Variants in SBNO1 observed in about 807,000 individuals in gnomAD.
SBNO1 encodes protein strawberry notch homolog 1.
Under a neutral mutation model 173.6 loss-of-function variants are expected in SBNO1, and 23 were observed. That is an observed-to-expected ratio of 0.13 (90% CI 0.10 to 0.19). The LOEUF is 0.19. SBNO1 is among the 10% of genes least tolerant of loss of function. The probability of loss-of-function intolerance (pLI) is 1.00; values close to 1 mark genes in which losing one functional copy is unlikely to be tolerated. For missense variants in SBNO1, 1,238 were observed against 1,671.2 expected (o/e 0.74, Z 4.52); for synonymous variants, 632 against 571.5 (o/e 1.11, Z -1.51).
chr12:123,302,994 AAAT>A (rs1217155585), intron 29 of SBNO1, 94 bp from the exon 30 acceptor site: 17 of 914,508 alleles, frequency 1.9e-5, no homozygotes, highest in Non-Finnish European at 3.0e-5. Flanking sequence ...AGCCAATTTA[AAAT>A]AATCTCTACA....
chr12:123,332,577 GT>G (rs111661687), intron 7 of SBNO1, among the ~76,000 whole-genome samples: 9 of 150,416 alleles, frequency 6.0e-5, no homozygotes, highest in Non-Finnish European at 1.3e-4. Context: ...TGGTTTTTTA[GT>G]TTTTTTCAGA....
In SBNO1 at chr12:123,336,511, CA is replaced by C; in HGVS notation, c.652-21del. On this transcript the variant is annotated intron_variant, in intron 5 of 31. Transcript: ENST00000602398. Reference sequence around the variant, plus strand: ...AACCTTCTGCAACACAGAAAGAGCACAATCAATCCCAAATCCAGGGACCAGA... The same window carrying C: ...AACCTTCTGCAACACAGAAAGAGCACATCAATCCCAAATCCAGGGACCAGA... 1 of 1,508,926 alleles carries C rather than the reference CA, an allele frequency of 6.6e-7. No individual in the cohort carries two copies. Among genetic ancestry groups the C allele is most frequent in the Non-Finnish European group, 9.1e-7 (1 of 1,096,506 alleles). The allele number at this position is 1,508,926 out of a possible 1,614,324, so 93.5% of individuals were successfully genotyped here. A position where few individuals can be genotyped will look rare whatever the true frequency, so the allele number is the denominator to read the frequency against.
chr12:123,362,744 G>A (rs997310862), intron 1 of SBNO1, among the ~76,000 whole-genome samples: 3 of 133,016 alleles, frequency 2.3e-5, no homozygotes, highest in African/African-American at 8.8e-5. Flanking sequence ...ACTCCAGCCT[G>A]GGCAACACAG....
Position 123,309,859 on chromosome 12 carries a change from G to A in SBNO1, c.3296-3C>T, listed in dbSNP as rs757187911. The A allele has an allele frequency of 6.4e-6, 10 of 1,572,628 alleles. No individual in the cohort carries two copies. The highest frequency in any genetic ancestry group is 8.6e-6 in the Non-Finnish European group (10 of 1,160,310). Reference sequence around the variant, plus strand: ...GAATTTTCCTATGTTGTTATAATCTGTAATGACAAAAGATAAACGTTTTCA... The same window carrying A: ...GAATTTTCCTATGTTGTTATAATCTATAATGACAAAAGATAAACGTTTTCA... On this transcript the variant is annotated splice_polypyrimidine_tract_variant and splice_region_variant and intron_variant, in intron 25 of 31. Coordinates refer to ENST00000602398, the MANE Select transcript of SBNO1 (RefSeq NM_001167856.3).
chr12:123,336,261 C>T, intron 6 of SBNO1, 134 bp downstream of exon 6: 1 of 629,040 alleles, frequency 1.6e-6, no homozygotes, highest in Non-Finnish European at 2.8e-6. Context: ...ATCCAAGCTT[C>T]TTTAGTTTTG....
In SBNO1 at chr12:123,317,202, C is replaced by T. The variant is rs369895929; in HGVS notation, c.2935+19G>A. The T allele has an allele frequency of 3.1e-6, 5 of 1,612,934 alleles. No individual in the cohort carries two copies. Among genetic ancestry groups the T allele is most frequent in the Non-Finnish European group, 4.2e-6 (5 of 1,179,172 alleles). On this transcript the variant is annotated intron_variant, in intron 21 of 31. Coordinates refer to ENST00000602398, the MANE Select transcript of SBNO1 (RefSeq NM_001167856.3). ...TTCCTAGCTATCCATTAAGTGAAAT[C>T]CAGTTTGTAGGAACTTACCGAACTG...
At chr12:123,315,183 A>G (rs754995109) in intron 23 of SBNO1, among the ~76,000 whole-genome samples, 190 bp downstream of exon 23, 9 of 152,212 alleles carry the variant, frequency 5.9e-5, no homozygotes, top group Non-Finnish European at 1.3e-4. Context: ...AGACAACTAC[A>G]TTGCTGTACT....
intron 28 of SBNO1, among the ~76,000 whole-genome samples, chr12:123,307,696 T>C (rs2048953784): frequency 1.3e-5 from 2 of 151,178 alleles, no homozygotes; most frequent in Admixed American, 6.6e-5. Context: ...GAGGCAGAGG[T>C]GGGAGGATCA....
At position 123,320,694 on chromosome 12, in the gene SBNO1, G is replaced by A. The variant is rs768014468; in HGVS notation, c.2491+5C>T. 5.0e-6 allele frequency: 8 copies of A among 1,598,124 alleles called. No homozygotes were observed. Among genetic ancestry groups the A allele is most frequent in the Non-Finnish European group, 6.8e-6 (8 of 1,174,436 alleles). On this transcript the variant is annotated splice_donor_5th_base_variant and intron_variant, in intron 18 of 31. Transcript: ENST00000602398. ...ATTTCAAAAAGGAAGTTTCTGTATGGATACCTGGTGTACTGTTAGGAGCAG... is the reference window on the plus strand; with the variant it reads ...ATTTCAAAAAGGAAGTTTCTGTATGAATACCTGGTGTACTGTTAGGAGCAG...
intron 3 of SBNO1, among the ~76,000 whole-genome samples, chr12:123,347,715 G>A (rs1003373444): frequency 3.3e-5 from 5 of 151,738 alleles, no homozygotes; most frequent in African/African-American, 1.2e-4. Flanking sequence ...TTTTAGTAGA[G>A]ATAGAGATGG....
Position 123,313,683 on chromosome 12 carries a change from T to C in SBNO1, c.3157A>G (p.Ile1053Val), listed in dbSNP as rs1593345942. 1.9e-6 allele frequency: 3 copies of C among 1,610,430 alleles called. No individual in the cohort carries two copies. Among genetic ancestry groups the C allele is most frequent in the East Asian group, 2.2e-5 (1 of 44,830 alleles). The change falls in exon 24 of 32, where the codon ATT becomes GTT. Residue 1053 changes from isoleucine to valine, a missense_variant. Transcript: ENST00000602398. ...RNALEIVMKS[I>V]VNLDSPMVSP... Reference sequence around the variant, plus strand: ...ACCATAGGAGAATCCAAGTTTACAATGGATTTCATGACAATTTCTAAAGCA... The same window carrying C: ...ACCATAGGAGAATCCAAGTTTACAACGGATTTCATGACAATTTCTAAAGCA...
Position 123,300,852 on chromosome 12 carries a change from G to A in SBNO1, c.3845+1972C>T, listed in dbSNP as rs1436973358. Among the ~76,000 whole-genome samples, 28 of 146,362 alleles carry A rather than the reference G, an allele frequency of 1.9e-4. 1 individual carries two copies. Among genetic ancestry groups the A allele is most frequent in the Admixed American group, 4.1e-4 (6 of 14,702 alleles). ...GCAGGCACTGTAGTCCTAGCTACTC[G>A]GGAGGCTGAGGCAGGAGAACTGCTT... On this transcript the variant is annotated intron_variant, in intron 30 of 31. Transcript: ENST00000602398.
At chr12:123,312,627 CT>C (rs1868725755) in intron 24 of SBNO1, among the ~76,000 whole-genome samples, 1 of 151,816 alleles carries the variant, frequency 6.6e-6, no homozygotes, top group South Asian at 2.1e-4. Flanking sequence ...GAGGAGAACC[CT>C]TTGAACCTGG....
rs754669830 is a variant in SBNO1, at chr12:123,334,291, A to G, written c.749-78T>C. The G allele has an allele frequency of 1.1e-5, 10 of 876,302 alleles. No individual in the cohort carries two copies. The Admixed American group carries it at 1.6e-4, about 14-fold the overall frequency. The allele number at this position is 876,302 out of a possible 1,614,324, so 54.3% of individuals were successfully genotyped here. A position where few individuals can be genotyped will look rare whatever the true frequency, so the allele number is the denominator to read the frequency against. On this transcript the variant is annotated intron_variant, in intron 6 of 31. Coordinates refer to ENST00000602398, the MANE Select transcript of SBNO1 (RefSeq NM_001167856.3). ...TCCAGTTTCATTATAAGATATTTCA[A>G]TGTTTTTCTTATAACATAGAAAAAT...
At position 123,312,095 on chromosome 12, in the gene SBNO1, TC is replaced by T. The variant is rs1167951335; in HGVS notation, c.3221-967del. ...AATCAAGGAATCTTTTTTTTTTTTT[TC>T]TGAGACAGGGTCTCTCTCACCAGTC... On this transcript the variant is annotated intron_variant, in intron 24 of 31. Coordinates refer to ENST00000602398, the MANE Select transcript of SBNO1 (RefSeq NM_001167856.3). Among the ~76,000 whole-genome samples the T allele has an allele frequency of 8.0e-5, 12 of 149,744 alleles. No homozygotes were observed. In the East Asian group the frequency reaches 1.8e-3, roughly 23 times the overall value.
intron 30 of SBNO1, among the ~76,000 whole-genome samples, chr12:123,299,660 G>A (rs1299816497): frequency 1.6e-5 from 2 of 122,300 alleles, no homozygotes; most frequent in Admixed American, 1.2e-4. Flanking sequence ...TGGCATGGGC[G>A]ACACAGCAAG....
intron 1 of SBNO1, among the ~76,000 whole-genome samples, chr12:123,359,827 G>A (rs1428504624): frequency 6.6e-6 from 1 of 152,116 alleles, no homozygotes; most frequent in African/African-American, 2.4e-5. Context: ...GTGAGTTCAA[G>A]CCACAACAAA....
chr12:123,318,798 G>A (rs567481282), intron 20 of SBNO1, among the ~76,000 whole-genome samples: 2 of 151,550 alleles, frequency 1.3e-5, no homozygotes, highest in South Asian at 2.1e-4. Context: ...GTTGGATATG[G>A]GAATGTAATC....
intron 1 of SBNO1, chr12:123,364,217 G>A (rs887512767): frequency 3.0e-6 from 3 of 985,482 alleles, no homozygotes; most frequent in Non-Finnish European, 1.2e-6. Flanking sequence ...CGACCGCGTC[G>A]CCTGCCTCCC....
Sources: allele counts gnomAD v4.1 joint callset (sites outside exome capture counted in the v4.1 genomes callset), GRCh38; gene constraint gnomAD v4.1.1; transcripts MANE v1.5; gene names NCBI Gene and HGNC (gene_info 2026-07-23, HGNC 2026-07-21).